Variants in PIK3R3 observed in about 807,000 individuals in gnomAD.
PIK3R3 encodes phosphatidylinositol 3-kinase regulatory subunit gamma.
PIK3R3 carries 64 observed loss-of-function variants against 62.9 expected under a neutral mutation model. The ratio of observed to expected loss-of-function variants is 1.02; its 90% CI spans 0.83 to 1.25. The LOEUF (loss-of-function observed/expected upper bound fraction) is 1.25, where lower values mean the gene tolerates loss of function less well. Ranked by LOEUF, PIK3R3 falls within the 50% of genes most tolerant of loss-of-function variation. PIK3R3 has a pLI of 0.00. For synonymous variants in PIK3R3, 165 were observed against 189.0 expected (o/e 0.87, Z 1.04); for missense variants, 614 against 561.6 (o/e 1.09, Z -0.94).
intron 7 of PIK3R3, chr1:46,048,352 C>G (rs1001568787): frequency 4.6e-5 from 7 of 152,198 alleles, no homozygotes; most frequent in African/African-American, 1.7e-4. Flanking sequence ...CAGTCTTTCT[C>G]AGTAAGAATT....
intron 1 of PIK3R3, among the ~76,000 whole-genome samples, chr1:46,097,575 A>T (rs1652252941): frequency 6.6e-6 from 1 of 152,000 alleles, no homozygotes; most frequent in Admixed American, 6.6e-5. Context: ...CACCACGTCT[A>T]TTCAACACTA....
chr1:46,048,249 T>C (rs1012185443), intron 7 of PIK3R3: 1 of 152,176 alleles, frequency 6.6e-6, no homozygotes, highest in Non-Finnish European at 1.5e-5. Flanking sequence ...TTTAACAAAA[T>C]CTTCACAACT....
chr1:46,159,223 C>A, the PIK3R3 span, among the ~76,000 whole-genome samples: 2 of 152,130 alleles, frequency 1.3e-5, no homozygotes, highest in African/African-American at 4.8e-5. Flanking sequence ...GTAATACTAC[C>A]TATTTTATTC....
chr1:46,099,122 A>T (rs1255515908), intron 1 of PIK3R3, among the ~76,000 whole-genome samples: 3 of 152,226 alleles, frequency 2.0e-5, no homozygotes, highest in Non-Finnish European at 2.9e-5. Flanking sequence ...GGTTAAAAAC[A>T]CTTTTAAAAG....
chr1:46,135,535 C>T (rs1254574064), upstream of PIK3R3, among the ~76,000 whole-genome samples: 1 of 152,138 alleles, frequency 6.6e-6, no homozygotes, highest in African/African-American at 2.4e-5. Context: ...ACTTTTCACC[C>T]TGGTATGGTT....
chr1:46,083,746 A>G (rs1650816224), intron 1 of PIK3R3, among the ~76,000 whole-genome samples: 1 of 152,164 alleles, frequency 6.6e-6, no homozygotes, highest in South Asian at 2.1e-4. Context: ...CTTCACACCC[A>G]CTAGGATGAC....
chr1:46,153,140 G>A, the PIK3R3 span, among the ~76,000 whole-genome samples: 2 of 152,024 alleles, frequency 1.3e-5, no homozygotes, highest in African/African-American at 2.4e-5. Flanking sequence ...TCCATGGAAT[G>A]GATATAAAAT....
At chr1:46,119,773 ATTTTTT>A (rs749113212) in intron 1 of PIK3R3, among the ~76,000 whole-genome samples, 1 of 124,332 alleles carries the variant, frequency 8.0e-6, no homozygotes. Context: ...CCAACTCCTA[ATTTTTT>A]TTTTTTTTTT....
intron 1 of PIK3R3, among the ~76,000 whole-genome samples, chr1:46,097,654 G>A (rs1245504662): frequency 2.0e-5 from 3 of 151,614 alleles, no homozygotes; most frequent in African/African-American, 7.3e-5. Context: ...TTGGGAGGCC[G>A]AGGCGGGTGG....
At chr1:46,056,070 A>G in intron 6 of PIK3R3, 99 bp from the exon 7 acceptor site, 1 of 727,004 alleles carries the variant, frequency 1.4e-6, no homozygotes, top group Non-Finnish European at 2.1e-6. Flanking sequence ...TTTTCCCTTG[A>G]GATTGAGTCT....
chr1:46,111,750 T>G (rs1653764378), intron 1 of PIK3R3, among the ~76,000 whole-genome samples: 1 of 151,918 alleles, frequency 6.6e-6, no homozygotes, highest in African/African-American at 2.4e-5. Context: ...GGGGCATGTT[T>G]TGGGTCTCTG....
intron 1 of PIK3R3, among the ~76,000 whole-genome samples, chr1:46,097,736 G>T (rs1652274827): frequency 6.7e-6 from 1 of 149,438 alleles, no homozygotes; most frequent in Admixed American, 6.7e-5. Flanking sequence ...AAAAATACAA[G>T]AAATCAGCCA....
chr1:46,167,727 T>C, the PIK3R3 span, among the ~76,000 whole-genome samples: 1 of 152,208 alleles, frequency 6.6e-6, no homozygotes, highest in Non-Finnish European at 1.5e-5. Flanking sequence ...GCCCTGGCTA[T>C]ACTGCTGCCC....
upstream of PIK3R3, chr1:46,132,751 C>T (rs117120519): frequency 1.1e-5 from 14 of 1,284,414 alleles, no homozygotes; most frequent in Middle Eastern, 8.5e-4. Context: ...GGCATCACCA[C>T]CGCCCCTTCC....
chr1:46,071,712 A>AAAAAAAAAAAAAAAAAT (rs1472807815), intron 3 of PIK3R3, among the ~76,000 whole-genome samples: 4 of 24,654 alleles, frequency 1.6e-4, no homozygotes, highest in Non-Finnish European at 2.3e-4. Flanking sequence ...AAAAAAAAAA[A>AAAAAAAAAAAAAAAAAT]ATATATATAT....
At chr1:46,174,653 G>A in the PIK3R3 span, among the ~76,000 whole-genome samples, 2 of 152,026 alleles carry the variant, frequency 1.3e-5, no homozygotes, top group Non-Finnish European at 2.9e-5. Context: ...TGTTCCCAGC[G>A]ACTAAGACAC....
intron 6 of PIK3R3, 161 bp from the exon 7 acceptor site, chr1:46,056,132 C>A (rs961138775): frequency 1.3e-5 from 6 of 458,434 alleles, no homozygotes; most frequent in Non-Finnish European, 2.3e-5. Context: ...CTCACTGCAA[C>A]CTCCGCCTCC....
chr1:46,171,336 C>T, the PIK3R3 span, among the ~76,000 whole-genome samples: 3 of 152,340 alleles, frequency 2.0e-5, no homozygotes, highest in Admixed American at 1.3e-4. Context: ...TCCTGTCCTC[C>T]TTGCACTGCC....
Position 46,046,094 on chromosome 1 carries a change from AATTAAATATT to A in PIK3R3, c.1017-16_1017-7del. The A allele has an allele frequency of 1.3e-6, 2 of 1,503,840 alleles. No individual in the cohort carries two copies. The highest frequency in any genetic ancestry group is 1.8e-6 in the Non-Finnish European group (2 of 1,089,154). The allele number at this position is 1,503,840 out of a possible 1,614,324, so 93.2% of individuals were successfully genotyped here. ...CCTCATTGATAAAATAGTTCCTAAA[AATTAAATATT>A]AGTATATTATTCTAACAAGTTACTT... On this transcript the variant is annotated splice_region_variant and splice_polypyrimidine_tract_variant and intron_variant, in intron 8 of 9. Coordinates refer to ENST00000262741, the MANE Select transcript of PIK3R3 (RefSeq NM_003629.4).
Sources: gnomAD v4.1 joint callset for allele counts (sites outside exome capture counted in the v4.1 genomes callset) on GRCh38, gnomAD v4.1.1 for gene constraint, MANE v1.5 for transcripts, NCBI Gene and HGNC (gene_info 2026-07-23, HGNC 2026-07-21) for gene names.